Variants in CELA3B observed in about 807,000 individuals in gnomAD.
CELA3B encodes chymotrypsin-like elastase family member 3B.
Under a neutral mutation model 37.2 loss-of-function variants are expected in CELA3B, and 34 were observed. The observed-to-expected ratio is 0.91, with a 90% CI of 0.70 to 1.22. CELA3B has a LOEUF of 1.22. Ranked by LOEUF, CELA3B falls within the 50% of genes most tolerant of loss-of-function variation. CELA3B has a pLI of 0.00. For synonymous variants in CELA3B, 127 were observed against 143.5 expected (o/e 0.89, Z 0.82); for missense variants, 340 against 363.1 (o/e 0.94, Z 0.52).
exon 5 of CELA3B, chr1:21,998,261 T>C: frequency 2.2e-6 from 1 of 460,572 alleles, no homozygotes. Context: ...GAAAGGACAA[T>C]TTGAACTTTG....
chr1:21,979,222 GCCA>G (rs1261003744), intron 2 of CELA3B, among the ~76,000 whole-genome samples: 1 of 150,928 alleles, frequency 6.6e-6, no homozygotes, highest in African/African-American at 2.4e-5. Flanking sequence ...ACAGGCATGC[GCCA>G]CCAAGCCCGG....
At chr1:21,996,788 G>A (rs1644892457) in intron 4 of CELA3B, among the ~76,000 whole-genome samples, 1 of 150,800 alleles carries the variant, frequency 6.6e-6, no homozygotes, top group South Asian at 2.1e-4. Flanking sequence ...CCGGGATGAT[G>A]CCTTCCCTGG....
chr1:21,994,981 G>A (rs1205272958), intron 4 of CELA3B, among the ~76,000 whole-genome samples: 10 of 121,010 alleles, frequency 8.3e-5, no homozygotes, highest in African/African-American at 2.2e-4. Context: ...CAGCCTGGGC[G>A]ACAGAGTGAG....
intron 2 of CELA3B, among the ~76,000 whole-genome samples, chr1:21,979,190 AG>A (rs1383946669): frequency 9.2e-5 from 14 of 151,656 alleles, no homozygotes; most frequent in African/African-American, 2.2e-4. Context: ...CTCCTACCTC[AG>A]CCTCCCAAGT....
chr1:21,995,427 T>G (rs1268883741), intron 4 of CELA3B, among the ~76,000 whole-genome samples: 2 of 151,110 alleles, frequency 1.3e-5, no homozygotes, highest in South Asian at 2.1e-4. Flanking sequence ...CATGAGACAC[T>G]GCACCCTGCT....
intron 4 of CELA3B, among the ~76,000 whole-genome samples, chr1:21,996,966 AT>A (rs1644893196): frequency 6.6e-6 from 1 of 151,322 alleles, no homozygotes; most frequent in African/African-American, 2.4e-5. Context: ...CATCAAAGAG[AT>A]CAGAATCCGG....
chr1:21,981,185 T>C lies in CELA3B; in HGVS notation c.362+13T>C. On this transcript the variant is annotated intron_variant, in intron 4 of 7. Transcript: ENST00000337107. Reference sequence around the variant, plus strand: ...GTGTGGCCTGTGGGTGAGTGAATGCTCCGGTCTGGAACCCAGAGGCTCCTC... The same window carrying C: ...GTGTGGCCTGTGGGTGAGTGAATGCCCCGGTCTGGAACCCAGAGGCTCCTC... The C allele has an allele frequency of 1.2e-6, 2 of 1,610,486 alleles. No individual in the cohort carries two copies. Among genetic ancestry groups the C allele is most frequent in the Non-Finnish European group, 1.7e-6 (2 of 1,179,456 alleles).
intron 2 of CELA3B, 99 bp from the exon 3 acceptor site, chr1:21,980,725 G>A (rs569409509): frequency 1.8e-5 from 15 of 832,228 alleles, no homozygotes; most frequent in Admixed American, 6.7e-5. Flanking sequence ...TGTGAATGGC[G>A]CCCTCTAGAG....
chr1:21,998,090 C>T (rs1644898607), intron 4 of CELA3B: 2 of 467,198 alleles, frequency 4.3e-6, no homozygotes. Flanking sequence ...ATCTCATTCC[C>T]TTAAGTCTAA....
chr1:21,980,289 G>A (rs1644796474), intron 2 of CELA3B, among the ~76,000 whole-genome samples: 1 of 149,474 alleles, frequency 6.7e-6, no homozygotes, highest in Admixed American at 6.7e-5. Flanking sequence ...AGACCAGCCT[G>A]GCCAACATGG....
At chr1:21,985,163 G>T (rs144616172) in intron 6 of CELA3B, among the ~76,000 whole-genome samples, 12,154 of 151,916 alleles carry the variant, frequency 0.08, 573 homozygotes, top group East Asian at 0.16. Context: ...CTCGCCTGTA[G>T]TCCCAACTAC....
At chr1:21,984,119 T>C in intron 5 of CELA3B, 70 bp from the exon 6 acceptor site, 1 of 1,541,384 alleles carries the variant, frequency 6.5e-7, no homozygotes, top group Non-Finnish European at 8.8e-7. Flanking sequence ...GCGCCTTGGA[T>C]GCCCCCTTCC....
chr1:21,992,484 A>G (rs146615474), downstream of CELA3B, among the ~76,000 whole-genome samples: 1,359 of 151,594 alleles, frequency 9.0e-3, 34 homozygotes, highest in Non-Finnish European at 0.013. Context: ...TCTGTAAACC[A>G]GACAGAACCA....
intron 4 of CELA3B, among the ~76,000 whole-genome samples, chr1:21,997,782 TACA>T (rs1557870209): frequency 6.6e-6 from 1 of 151,616 alleles, no homozygotes; most frequent in Admixed American, 6.6e-5. Context: ...GTTTATGAGT[TACA>T]ACAATATAGC....
At chr1:21,985,815 T>C (rs1486979046) in intron 6 of CELA3B, among the ~76,000 whole-genome samples, 24 of 152,044 alleles carry the variant, frequency 1.6e-4, no homozygotes, top group Non-Finnish European at 2.2e-4. Context: ...GGTGTGAACC[T>C]GGGAGGCGGA....
intron 6 of CELA3B, among the ~76,000 whole-genome samples, chr1:21,985,813 C>T (rs1213848535): frequency 1.3e-5 from 2 of 151,968 alleles, no homozygotes; most frequent in Non-Finnish European, 2.9e-5. Context: ...ATGGTGTGAA[C>T]CTGGGAGGCG....
intron 4 of CELA3B, among the ~76,000 whole-genome samples, chr1:21,983,354 C>CA (rs11288635): frequency 0.016 from 2,288 of 147,032 alleles, 21 homozygotes; most frequent in African/African-American, 0.021. Context: ...GACTCTGACT[C>CA]AAAAAAAAAA....
At chr1:21,991,937 T>C (rs1429494412), downstream of CELA3B, among the ~76,000 whole-genome samples, 1 of 150,614 alleles carries the variant, frequency 6.6e-6, no homozygotes, top group Non-Finnish European at 1.5e-5. Flanking sequence ...CTGGCCAACA[T>C]GGTGAAGCCC....
At chr1:21,979,559 C>A (rs564352885) in intron 2 of CELA3B, among the ~76,000 whole-genome samples, 146 of 149,504 alleles carry the variant, frequency 9.8e-4, no homozygotes, top group African/African-American at 3.3e-3. Context: ...TCCAAGCAAT[C>A]ATCCCACATC....
Sources: gnomAD v4.1 joint callset for allele counts (sites outside exome capture counted in the v4.1 genomes callset) on GRCh38, gnomAD v4.1.1 for gene constraint, MANE v1.5 for transcripts, NCBI Gene and HGNC (gene_info 2026-07-23, HGNC 2026-07-21) for gene names.